Variants in HS3ST3A1 observed in about 807,000 individuals in gnomAD.
HS3ST3A1 encodes the protein heparan sulfate-glucosamine 3-sulfotransferase 3A1, also known as heparan sulfate glucosamine 3-O-sulfotransferase 3A1.
In HS3ST3A1, 19 loss-of-function variants were observed where a neutral mutation model predicts 25.7. The observed-to-expected ratio is 0.74, with a 90% CI of 0.52 to 1.08. The LOEUF (loss-of-function observed/expected upper bound fraction) is 1.08, where lower values mean the gene tolerates loss of function less well. Among genes scored for constraint, HS3ST3A1 ranks in the 50% least tolerant of loss-of-function variants. The pLI, the probability that HS3ST3A1 is intolerant of heterozygous loss-of-function variation, is 0.00. For synonymous variants in HS3ST3A1, 226 were observed against 278.6 expected, an observed-to-expected ratio of 0.81 and a Z score of 1.88; for missense variants, 459 against 594.3, an observed-to-expected ratio of 0.77 and a Z score of 2.37.
At chr17:13,591,181 G>A (rs968339538) in intron 1 of HS3ST3A1, among the ~76,000 whole-genome samples, 2 of 151,610 alleles carry the variant, frequency 1.3e-5, no homozygotes, top group African/African-American at 4.8e-5. Flanking sequence ...GGAGTACCTG[G>A]GATTACAGGC....
chr17:13,541,755 T>C (rs1906939183), intron 1 of HS3ST3A1, among the ~76,000 whole-genome samples: 1 of 152,164 alleles, frequency 6.6e-6, no homozygotes, highest in Non-Finnish European at 1.5e-5. Context: ...GCAGTTTCCA[T>C]AGCATTCGTT....
At chr17:13,527,762 C>G (rs1906480261) in intron 1 of HS3ST3A1, among the ~76,000 whole-genome samples, 1 of 152,224 alleles carries the variant, frequency 6.6e-6, no homozygotes, top group Non-Finnish European at 1.5e-5. Context: ...TCGTAGGCTT[C>G]CAACTATGGC....
chr17:13,529,961 A>G (rs1906552618), intron 1 of HS3ST3A1, among the ~76,000 whole-genome samples: 1 of 151,946 alleles, frequency 6.6e-6, no homozygotes, highest in African/African-American at 2.4e-5. Flanking sequence ...TTCTAGTGCT[A>G]CAAATATTTG....
chr17:13,538,868 C>A (rs1906845424), intron 1 of HS3ST3A1, among the ~76,000 whole-genome samples: 1 of 152,160 alleles, frequency 6.6e-6, no homozygotes, highest in South Asian at 2.1e-4. Context: ...CTGTCATGTA[C>A]TGCTGTTTAA....
In HS3ST3A1 at chr17:13,507,083, A is replaced by AC. The variant is rs1316050718; in HGVS notation, c.600-10266_600-10265insG. Among the ~76,000 whole-genome samples the AC allele has an allele frequency of 7.1e-3, 1,024 of 144,526 alleles. 16 individuals are homozygous for AC. The highest frequency in any genetic ancestry group is 0.022 in the African/African-American group (835 of 37,766). 94.8% of individuals were successfully genotyped at this position (144,526 alleles called of 152,430 possible). On this transcript the variant is annotated intron_variant, in intron 1 of 1. Coordinates refer to ENST00000284110, the MANE Select transcript of HS3ST3A1 (RefSeq NM_006042.3). The stretch of plus-strand genomic sequence containing the variant: ...GACTCCGTCTCCAAAAAAAAAAAAA[A>AC]AAACAAAAAAAGATGTCAAAGTCAG...
At chr17:13,512,317 A>AAAAAAAAAAAAAAAAAAAC (rs1905897654) in intron 1 of HS3ST3A1, among the ~76,000 whole-genome samples, 7 of 150,914 alleles carry the variant, frequency 4.6e-5, no homozygotes, top group African/African-American at 1.7e-4. Context: ...AAAAAAAAAA[A>AAAAAAAAAAAAAAAAAAAC]AAAAAAAAAA....
intron 1 of HS3ST3A1, among the ~76,000 whole-genome samples, chr17:13,574,780 G>A (rs1440586163): frequency 6.7e-6 from 1 of 149,298 alleles, no homozygotes; most frequent in Non-Finnish European, 1.5e-5. Flanking sequence ...CAAAAAAAAT[G>A]AAGGGCATGT....
chr17:13,570,870 G>GT (rs1432815791), intron 1 of HS3ST3A1, among the ~76,000 whole-genome samples: 2 of 152,178 alleles, frequency 1.3e-5, no homozygotes, highest in African/African-American at 4.8e-5. Flanking sequence ...GTTTTGTTTT[G>GT]TTTTTTAATC....
At chr17:13,574,019 C>A (rs1348989674) in intron 1 of HS3ST3A1, among the ~76,000 whole-genome samples, 1 of 152,078 alleles carries the variant, frequency 6.6e-6, no homozygotes, top group Non-Finnish European at 1.5e-5. Context: ...TTGTTTAAAT[C>A]AGTGGTATTC....
intron 1 of HS3ST3A1, among the ~76,000 whole-genome samples, chr17:13,542,286 G>A (rs866078883): frequency 6.1e-4 from 90 of 148,328 alleles, no homozygotes; most frequent in Admixed American, 9.5e-4. Context: ...CAGAGATTGC[G>A]CCACTGCCCT....
At chr17:13,591,002 G>C (rs1908409489) in intron 1 of HS3ST3A1, among the ~76,000 whole-genome samples, 1 of 151,514 alleles carries the variant, frequency 6.6e-6, no homozygotes, top group Non-Finnish European at 1.5e-5. Context: ...TCCAATTCCA[G>C]ATTCAGCAAG....
intron 1 of HS3ST3A1, among the ~76,000 whole-genome samples, chr17:13,537,543 G>T (rs538844232): frequency 9.2e-4 from 140 of 152,190 alleles, no homozygotes; most frequent in African/African-American, 3.2e-3. Context: ...CTTCTATTCT[G>T]TCCTCCCAAT....
chr17:13,581,993 G>A (rs377543841), intron 1 of HS3ST3A1, among the ~76,000 whole-genome samples: 3 of 152,248 alleles, frequency 2.0e-5, no homozygotes, highest in African/African-American at 7.2e-5. Flanking sequence ...ACCTGAGAAC[G>A]GTGTGAAATT....
intron 1 of HS3ST3A1, among the ~76,000 whole-genome samples, chr17:13,573,815 A>G (rs1186074170): frequency 6.6e-6 from 1 of 152,150 alleles, no homozygotes; most frequent in Admixed American, 6.6e-5. Flanking sequence ...TGAAGGCATG[A>G]GGGTGGAGCC....
chr17:13,517,528 T>G (rs1029625164), intron 1 of HS3ST3A1, among the ~76,000 whole-genome samples: 2 of 152,186 alleles, frequency 1.3e-5, no homozygotes, highest in Non-Finnish European at 2.9e-5. Flanking sequence ...AAAAGAATGA[T>G]GATAAAACTA....
chr17:13,557,374 C>T (rs1703899444), intron 1 of HS3ST3A1, among the ~76,000 whole-genome samples: 1 of 151,442 alleles, frequency 6.6e-6, no homozygotes, highest in Non-Finnish European at 1.5e-5. Context: ...AGAGAAGTTA[C>T]AAAATTAAAA....
At chr17:13,552,012 T>A (rs566889580) in intron 1 of HS3ST3A1, among the ~76,000 whole-genome samples, 1 of 152,330 alleles carries the variant, frequency 6.6e-6, no homozygotes, top group Non-Finnish European at 1.5e-5. Flanking sequence ...ACTTACTGAT[T>A]TGATTTACAC....
intron 1 of HS3ST3A1, among the ~76,000 whole-genome samples, chr17:13,598,700 T>G (rs1908645461): frequency 6.6e-6 from 1 of 152,074 alleles, no homozygotes; most frequent in African/African-American, 2.4e-5. Context: ...AAAAAACTAC[T>G]TGTGTTTCTA....
chr17:13,562,239 G>A (rs1281270056), intron 1 of HS3ST3A1, among the ~76,000 whole-genome samples: 1 of 152,170 alleles, frequency 6.6e-6, no homozygotes, highest in Non-Finnish European at 1.5e-5. Context: ...AGTGGACTGA[G>A]CTTCCATCAC....
Sources: allele counts gnomAD v4.1 joint callset (sites outside exome capture counted in the v4.1 genomes callset), GRCh38; gene constraint gnomAD v4.1.1; transcripts MANE v1.5; gene names NCBI Gene and HGNC (gene_info 2026-07-23, HGNC 2026-07-21).